Variants in TBC1D19 observed in about 807,000 individuals in gnomAD.
TBC1D19 encodes the protein TBC1 domain family, member 19.
In TBC1D19, 60 loss-of-function variants were observed where a neutral mutation model predicts 89.0. The observed-to-expected ratio is 0.67, with a 90% CI of 0.55 to 0.84. The LOEUF is 0.84. Among genes scored for constraint, TBC1D19 ranks in the 40% least tolerant of loss-of-function variants. The pLI is 0.00. For missense variants in TBC1D19, 500 were observed against 610.8 expected (o/e 0.82, Z 1.91); for synonymous variants, 189 against 199.7 (o/e 0.95, Z 0.45).
chr4:26,713,667 C>A (rs186454520), intron 13 of TBC1D19, among the ~76,000 whole-genome samples: 157 of 152,134 alleles, frequency 1.0e-3, no homozygotes, highest in Non-Finnish European at 1.6e-3. Context: ...AAATCCCTTA[C>A]TCTTTTAAAT....
At chr4:26,655,818 C>G (rs1053396843) in intron 7 of TBC1D19, among the ~76,000 whole-genome samples, 3 of 152,248 alleles carry the variant, frequency 2.0e-5, no homozygotes, top group Non-Finnish European at 2.9e-5. Context: ...CCTTGCACTT[C>G]CTGCGTGAGG....
Position 26,672,192 on chromosome 4 carries a change from G to A in TBC1D19, c.703+5G>A. ...ATGTACGTATTGGGCAAAAAGGTAA[G>A]CTTTTAATTATAAATGTTATTATTT... On this transcript the variant is annotated splice_donor_5th_base_variant and intron_variant, in intron 10 of 20. Transcript: ENST00000264866. 7.6e-7 allele frequency: 1 copy of A among 1,321,392 alleles called. No homozygotes were observed. Among genetic ancestry groups the A allele is most frequent in the Non-Finnish European group, 1.0e-6 (1 of 1,000,720 alleles). 81.9% of individuals were successfully genotyped at this position (1,321,392 alleles called of 1,614,324 possible). A position where few individuals can be genotyped will look rare whatever the true frequency, so the allele number is the denominator to read the frequency against.
the TBC1D19 span, among the ~76,000 whole-genome samples, chr4:26,851,276 G>A: frequency 1.7e-5 from 2 of 118,796 alleles, no homozygotes; most frequent in Non-Finnish European, 3.6e-5. Flanking sequence ...CCTCCATAAT[G>A]GCATGAGCCA....
chr4:26,786,450 C>T, the TBC1D19 span, among the ~76,000 whole-genome samples: 9 of 152,042 alleles, frequency 5.9e-5, no homozygotes, highest in Non-Finnish European at 7.4e-5. Context: ...CTGGCCAACA[C>T]GGTGAAACCC....
intron 11 of TBC1D19, among the ~76,000 whole-genome samples, chr4:26,683,201 A>G (rs1713513914): frequency 6.6e-6 from 1 of 152,110 alleles, no homozygotes; most frequent in Admixed American, 6.5e-5. Context: ...AGTTTTTTGT[A>G]TAGGTTGTGG....
rs1314551608 is a variant in TBC1D19, at chr4:26,673,875, C to T, written c.803C>T (p.Ser268Phe). The T allele has an allele frequency of 2.5e-6, 4 of 1,596,500 alleles. No individual in the cohort carries two copies. Among genetic ancestry groups the T allele is most frequent in the South Asian group, 2.3e-5 (2 of 88,570 alleles). The change falls in exon 11 of 21, where the codon TCC becomes TTC. Residue 268 changes from serine to phenylalanine, a missense_variant. Ser to Phe is a radical substitution (Grantham distance 155). This residue lies in a region of TBC1D19 where 220 missense variants were observed against 319.1 expected (regional missense o/e 0.69). Transcript: ENST00000264866. ...AELWALILNI[S>F]SQPEDVLYYE... The stretch of plus-strand genomic sequence containing the variant: ...TTGTGGGCTCTCATTTTGAATATTT[C>T]CAGCCAACCTGAGGTAAGAAGAAAA...
intron 10 of TBC1D19, among the ~76,000 whole-genome samples, chr4:26,673,472 C>CACACACACAT (rs1381207843): frequency 4.0e-5 from 6 of 148,898 alleles, no homozygotes; most frequent in African/African-American, 1.5e-4. Context: ...CACACACACA[C>CACACACACAT]ACAATACTAG....
chr4:26,680,627 A>T (rs1219706953), intron 11 of TBC1D19, among the ~76,000 whole-genome samples: 1 of 152,164 alleles, frequency 6.6e-6, no homozygotes, highest in Non-Finnish European at 1.5e-5. Context: ...TTAATTACTC[A>T]GTTGATTGTA....
At chr4:26,813,903 C>T in the TBC1D19 span, among the ~76,000 whole-genome samples, 1 of 152,166 alleles carries the variant, frequency 6.6e-6, no homozygotes, top group African/African-American at 2.4e-5. Context: ...TTCCTCCCCA[C>T]TTCAGTGCCT....
the TBC1D19 span, among the ~76,000 whole-genome samples, chr4:26,841,338 A>T: frequency 6.6e-6 from 1 of 150,568 alleles, no homozygotes; most frequent in Non-Finnish European, 1.5e-5. Context: ...GTGAGCTGAG[A>T]TCACCCCACT....
chr4:26,592,894 A>T (rs1007022624), intron 1 of TBC1D19, among the ~76,000 whole-genome samples: 1 of 152,220 alleles, frequency 6.6e-6, no homozygotes, highest in African/African-American at 2.4e-5. Context: ...AATCAATATC[A>T]TGAAAATGGC....
At chr4:26,617,829 C>G (rs1435759385) in intron 3 of TBC1D19, among the ~76,000 whole-genome samples, 1 of 152,172 alleles carries the variant, frequency 6.6e-6, no homozygotes, top group Non-Finnish European at 1.5e-5. Flanking sequence ...CAATCTTATT[C>G]TATATGTGCA....
intron 9 of TBC1D19, among the ~76,000 whole-genome samples, chr4:26,667,834 C>T (rs1394021552): frequency 6.6e-6 from 1 of 152,010 alleles, no homozygotes; most frequent in Admixed American, 6.6e-5. Context: ...TACCAGTTTA[C>T]ACTTCCACCA....
the TBC1D19 span, among the ~76,000 whole-genome samples, chr4:26,838,907 T>C: frequency 2.0e-5 from 3 of 152,192 alleles, no homozygotes; most frequent in African/African-American, 7.2e-5. Context: ...CCTAAATATG[T>C]TCATAATAAA....
At chr4:26,627,977 A>T (rs548247767) in intron 4 of TBC1D19, among the ~76,000 whole-genome samples, 1 of 152,278 alleles carries the variant, frequency 6.6e-6, no homozygotes, top group South Asian at 2.1e-4. Flanking sequence ...TATGTCCTGA[A>T]TGGTAATGCC....
chr4:26,709,629 G>C (rs1716005321), intron 13 of TBC1D19, among the ~76,000 whole-genome samples: 1 of 151,958 alleles, frequency 6.6e-6, no homozygotes, highest in South Asian at 2.1e-4. Context: ...AGGGGATTGG[G>C]GTGGGTGATG....
the TBC1D19 span, among the ~76,000 whole-genome samples, chr4:26,837,533 A>T: frequency 1.3e-5 from 2 of 152,200 alleles, no homozygotes; most frequent in Non-Finnish European, 2.9e-5. Context: ...GGCAGAGAAT[A>T]ATATTTGGCA....
At position 26,673,785 on chromosome 4, in the gene TBC1D19, A is replaced by C; in HGVS notation, c.713A>C (p.Glu238Ala). ...CATATACTTTTGATAGTTCTAGCAG[A>C]ACAAGATAGTGCTGCTGCTCAACAG... ...HVRIGQKVLA[E>A]QDSAAAQQYI... The change falls in exon 11 of 21, where the codon GAA becomes GCA. Residue 238 changes from glutamate to alanine, a missense_variant. Physicochemically the swap from Glu to Ala is moderately radical, Grantham distance 107 (BLOSUM62 -1). Coordinates refer to ENST00000264866, the MANE Select transcript of TBC1D19 (RefSeq NM_018317.4). The C allele has an allele frequency of 6.2e-7, 1 of 1,606,412 alleles. No individual in the cohort carries two copies. Among genetic ancestry groups the C allele is most frequent in the South Asian group, 1.1e-5 (1 of 90,806 alleles).
At chr4:26,821,174 T>G in the TBC1D19 span, among the ~76,000 whole-genome samples, 1 of 152,250 alleles carries the variant, frequency 6.6e-6, no homozygotes, top group African/African-American at 2.4e-5. Context: ...CACTTTCTTT[T>G]GAGGGTCTCA....
Sources: allele counts gnomAD v4.1 joint callset (sites outside exome capture counted in the v4.1 genomes callset), GRCh38; gene constraint gnomAD v4.1.1; regional missense constraint gnomAD v4.1.1; transcripts MANE v1.5; gene names NCBI Gene and HGNC (gene_info 2026-07-23, HGNC 2026-07-21).